The following KLRG1 variants were observed in gnomAD, a reference collection of about 807,000 sequenced individuals.
KLRG1 encodes the protein killer cell lectin-like receptor subfamily G member 1.
A neutral mutation model predicts 21.8 loss-of-function variants in KLRG1; 16 were observed. The observed-to-expected ratio is 0.73, with a 90% confidence interval of 0.50 to 1.11. The LOEUF (loss-of-function observed/expected upper bound fraction) is 1.11. KLRG1 is among the 50% of genes most tolerant of loss of function. The pLI is 0.00. For missense variants in KLRG1, 173 were observed against 218.3 expected (o/e 0.79, Z 1.31); for synonymous variants, 69 against 75.9 (o/e 0.91, Z 0.47).
chr12:9,098,470 C>T, the KLRG1 span: 1 of 839,632 alleles, frequency 1.2e-6, no homozygotes, highest in African/African-American at 1.7e-5. Context: ...CAATGAAAGC[C>T]CACAAGAGAG....
At chr12:9,098,678 C>T in the KLRG1 span, 12 of 1,611,528 alleles carry the variant, frequency 7.4e-6, no homozygotes, top group African/African-American at 4.0e-5. Context: ...AGGGCGCAGA[C>T]GGACTGAGGA....
At chr12:9,107,982 CA>C in the KLRG1 span, among the ~76,000 whole-genome samples, 1 of 151,362 alleles carries the variant, frequency 6.6e-6, no homozygotes, top group South Asian at 2.1e-4. Flanking sequence ...CAAAACAGAA[CA>C]AAAAAAACCC....
At chr12:9,077,226 G>C in the KLRG1 span, 1 of 981,586 alleles carries the variant, frequency 1.0e-6, no homozygotes, top group Non-Finnish European at 1.5e-6. Flanking sequence ...GGGAAGCACT[G>C]GCATTGCATA....
At chr12:9,126,691 C>T in the KLRG1 span, among the ~76,000 whole-genome samples, 11 of 152,156 alleles carry the variant, frequency 7.2e-5, no homozygotes, top group Non-Finnish European at 1.0e-4. Context: ...TGGGTGCTCC[C>T]TCCCTGTTCT....
At chr12:9,113,322 A>G in the KLRG1 span, 1 of 1,605,264 alleles carries the variant, frequency 6.2e-7, no homozygotes, top group Non-Finnish European at 8.5e-7. Context: ...ACCCTGACTA[A>G]AAGAACCAAG....
chr12:9,190,210 C>G, the KLRG1 span, among the ~76,000 whole-genome samples: 4 of 152,058 alleles, frequency 2.6e-5, no homozygotes, highest in Non-Finnish European at 5.9e-5. Flanking sequence ...CATTGCAACC[C>G]TGTTGCAATG....
the KLRG1 span, among the ~76,000 whole-genome samples, chr12:9,193,278 G>C: frequency 6.6e-6 from 1 of 151,892 alleles, no homozygotes; most frequent in Non-Finnish European, 1.5e-5. Context: ...TTTCCCTTGT[G>C]GTAACTGCTC....
the KLRG1 span, among the ~76,000 whole-genome samples, chr12:9,126,365 C>A: frequency 2.0e-5 from 3 of 152,282 alleles, no homozygotes; most frequent in South Asian, 6.2e-4. Flanking sequence ...ATTTAGGACA[C>A]AATGTGTATG....
the KLRG1 span, among the ~76,000 whole-genome samples, chr12:9,054,083 C>T: frequency 6.6e-6 from 1 of 152,218 alleles, no homozygotes; most frequent in Admixed American, 6.5e-5. Flanking sequence ...TTCTCTGCTA[C>T]AAACCCTGCT....
downstream of KLRG1, among the ~76,000 whole-genome samples, chr12:9,015,459 ATAAT>A (rs1565557157): frequency 6.6e-6 from 1 of 152,206 alleles, no homozygotes; most frequent in African/African-American, 2.4e-5. Context: ...AGAGGATATA[ATAAT>A]TAATTGTAAA....
At chr12:9,105,162 A>G in the KLRG1 span, among the ~76,000 whole-genome samples, 1 of 152,300 alleles carries the variant, frequency 6.6e-6, no homozygotes, top group East Asian at 1.9e-4. Context: ...TATAAGCTAC[A>G]GTTGGTAGCA....
At chr12:9,107,525 T>A in the KLRG1 span, 1 of 1,613,898 alleles carries the variant, frequency 6.2e-7, no homozygotes, top group South Asian at 1.1e-5. Context: ...TCAACCTACC[T>A]GTCCACTGAA....
At chr12:9,121,455 C>T in the KLRG1 span, among the ~76,000 whole-genome samples, 3 of 152,064 alleles carry the variant, frequency 2.0e-5, no homozygotes, top group Admixed American at 6.5e-5. The surrounding 1 kb of genome is among the most constrained non-coding windows in gnomAD (Gnocchi z 4.4). Flanking sequence ...GCACGAGAAT[C>T]GCTTAAACCC....
At chr12:9,152,155 G>C in the KLRG1 span, 6 of 1,155,378 alleles carry the variant, frequency 5.2e-6, no homozygotes, top group African/African-American at 9.1e-5. Flanking sequence ...ATATTGGTAT[G>C]GTCTTAGTTT....
chr12:9,022,044 G>C, the KLRG1 span, among the ~76,000 whole-genome samples: 9 of 144,224 alleles, frequency 6.2e-5, no homozygotes, highest in Admixed American at 5.7e-4. Context: ...AGGATCCCTT[G>C]GGCCCAGGAG....
At chr12:9,101,417 T>C in the KLRG1 span, 9 of 1,571,576 alleles carry the variant, frequency 5.7e-6, no homozygotes, top group Non-Finnish European at 7.9e-6. Flanking sequence ...TTGTCTACAG[T>C]GAAGTCAACG....
At chr12:9,186,856 G>A in the KLRG1 span, among the ~76,000 whole-genome samples, 5 of 149,912 alleles carry the variant, frequency 3.3e-5, no homozygotes, top group East Asian at 5.9e-4. Context: ...TGTCGGGGGT[G>A]GGGGGCTGGG....
At chr12:9,113,219 AATTTCT>A in the KLRG1 span, 5 of 802,216 alleles carry the variant, frequency 6.2e-6, no homozygotes, top group Non-Finnish European at 9.5e-6. Flanking sequence ...ATTGCTCCTT[AATTTCT>A]ATACTTAGTT....
chr12:9,160,329 C>T, the KLRG1 span: 5 of 1,611,900 alleles, frequency 3.1e-6, no homozygotes, highest in African/African-American at 2.7e-5. Flanking sequence ...ATGAGATAGC[C>T]AACGGCCTTG....
Sources: allele counts gnomAD v4.1 joint callset (sites outside exome capture counted in the v4.1 genomes callset), GRCh38; gene constraint gnomAD v4.1.1; non-coding constraint Gnocchi (gnomAD v3.1); transcripts MANE v1.5; gene names NCBI Gene and HGNC (gene_info 2026-07-23, HGNC 2026-07-21).